TADA2A: variants seen among roughly 807,000 people sequenced by gnomAD.
The protein encoded by TADA2A is transcriptional adapter 2-alpha.
A neutral mutation model predicts 67.4 loss-of-function variants in TADA2A; 38 were observed. That is an observed-to-expected ratio of 0.56 (90% CI 0.44 to 0.74). TADA2A has a LOEUF of 0.74. TADA2A is among the 30% of genes least tolerant of loss of function. The pLI, the probability that TADA2A is intolerant of heterozygous loss-of-function variation, is 0.00. For missense variants in TADA2A, 454 were observed against 547.0 expected, an observed-to-expected ratio of 0.83 and a Z score of 1.70; for synonymous variants, 192 against 181.6, an observed-to-expected ratio of 1.06 and a Z score of -0.46.
chr17:37,436,134 C>T (rs976333429), intron 4 of TADA2A, among the ~76,000 whole-genome samples: 3 of 152,130 alleles, frequency 2.0e-5, no homozygotes, highest in Non-Finnish European at 2.9e-5. Flanking sequence ...TGCTTTACCT[C>T]ATAACATATA....
At chr17:37,446,221 C>T (rs2053077134) in intron 8 of TADA2A, among the ~76,000 whole-genome samples, 1 of 151,534 alleles carries the variant, frequency 6.6e-6, no homozygotes, top group Non-Finnish European at 1.5e-5. Context: ...ACTACTTTAG[C>T]ATTAACTAAA....
chr17:37,474,374 G>C (rs2053851583), intron 14 of TADA2A, among the ~76,000 whole-genome samples, 182 bp from the exon 15 acceptor site: 1 of 152,234 alleles, frequency 6.6e-6, no homozygotes, highest in Non-Finnish European at 1.5e-5. Flanking sequence ...TCATTTTCAA[G>C]TGAATGTTCG....
At chr17:37,413,211 G>A (rs991573029) in intron 2 of TADA2A, among the ~76,000 whole-genome samples, 5 of 152,146 alleles carry the variant, frequency 3.3e-5, no homozygotes, top group Admixed American at 6.5e-5. Context: ...ACAAGCGTGA[G>A]CCACCGCTCC....
chr17:37,478,409 C>T lies in TADA2A; in HGVS notation c.*1427C>T, dbSNP rs2053931320. On this transcript the variant is annotated 3_prime_UTR_variant, in exon 16 of 16. Coordinates refer to ENST00000615182, the MANE Select transcript of TADA2A (RefSeq NM_001166105.3). ...CTGGGTTTCCCAGGATACCAAGCCCCTGAGGATGGAGATGATGCAACAAAC... is the reference window on the plus strand; with the variant it reads ...CTGGGTTTCCCAGGATACCAAGCCCTTGAGGATGGAGATGATGCAACAAAC... 1 of 152,150 alleles carries T rather than the reference C, an allele frequency of 6.6e-6. No individual in the cohort carries two copies. Among genetic ancestry groups the T allele is most frequent in the Non-Finnish European group, 1.5e-5 (1 of 68,030 alleles). The allele number at this position is 152,150 out of a possible 1,614,324, so 9.4% of individuals were successfully genotyped here.
chr17:37,424,963 G>T (rs1261036054), intron 3 of TADA2A, among the ~76,000 whole-genome samples: 1 of 152,150 alleles, frequency 6.6e-6, no homozygotes, highest in East Asian at 1.9e-4. Context: ...TCGGGTTCAA[G>T]GGATTCTCCT....
chr17:37,442,504 G>T, intron 6 of TADA2A, 60 bp from the exon 7 acceptor site: 2 of 1,276,234 alleles, frequency 1.6e-6, no homozygotes, highest in Non-Finnish European at 2.2e-6. Context: ...GGACTATTAT[G>T]TCATTTTTTT....
At chr17:37,410,213 C>T (rs2051818762) in intron 1 of TADA2A, among the ~76,000 whole-genome samples, 1 of 151,984 alleles carries the variant, frequency 6.6e-6, no homozygotes, top group Non-Finnish European at 1.5e-5. Context: ...GAAAAAGAGA[C>T]TTAGTCTGTC....
intron 9 of TADA2A, 138 bp from the exon 10 acceptor site, chr17:37,461,940 T>C (rs1032458364): frequency 1.5e-6 from 1 of 650,340 alleles, no homozygotes; most frequent in Non-Finnish European, 2.7e-6. Context: ...CTGCAGAAAT[T>C]TGTGGGAGTG....
At chr17:37,423,938 C>T (rs1442777162) in intron 3 of TADA2A, among the ~76,000 whole-genome samples, 3 of 151,654 alleles carry the variant, frequency 2.0e-5, no homozygotes, top group South Asian at 2.1e-4. Context: ...TTAGTAGAGA[C>T]GGGGTTTCAC....
intron 12 of TADA2A, among the ~76,000 whole-genome samples, chr17:37,468,054 C>T (rs1011748294): frequency 1.3e-5 from 2 of 151,652 alleles, no homozygotes; most frequent in East Asian, 1.9e-4. Flanking sequence ...TGTACTCCAG[C>T]CTGGGTGGCA....
chr17:37,408,008 T>G (rs1297611502), intron 1 of TADA2A: 1 of 152,958 alleles, frequency 6.5e-6, no homozygotes, highest in African/African-American at 2.4e-5. Flanking sequence ...TGCCTCAGCC[T>G]CCCGAGTACC....
chr17:37,436,882 A>C (rs1415051078), intron 4 of TADA2A, among the ~76,000 whole-genome samples: 1 of 151,118 alleles, frequency 6.6e-6, no homozygotes, highest in African/African-American at 2.4e-5. Context: ...TGAAATATTT[A>C]TCTCTACCTC....
intron 5 of TADA2A, among the ~76,000 whole-genome samples, chr17:37,439,950 T>TTA (rs1568155361): frequency 1.4e-5 from 2 of 138,262 alleles, no homozygotes; most frequent in East Asian, 4.2e-4. Context: ...TTATTATTTT[T>TTA]TTTTTTTTTT....
intron 2 of TADA2A, among the ~76,000 whole-genome samples, chr17:37,412,899 A>C (rs1441159010): frequency 6.6e-6 from 1 of 152,104 alleles, no homozygotes; most frequent in African/African-American, 2.4e-5. Context: ...GAATCAGAAA[A>C]GTACTTTTTG....
At chr17:37,474,700 C>T in intron 15 of TADA2A, 71 bp downstream of exon 15, 1 of 1,486,134 alleles carries the variant, frequency 6.7e-7, no homozygotes, top group East Asian at 2.4e-5. Context: ...ATTAAAAATC[C>T]ATTACAGGGT....
At chr17:37,451,049 C>CA (rs1206169207) in intron 8 of TADA2A, among the ~76,000 whole-genome samples, 1 of 151,510 alleles carries the variant, frequency 6.6e-6, no homozygotes, top group Admixed American at 6.6e-5. Flanking sequence ...TTAAAAGAAA[C>CA]AGAGTCTCAT....
At chr17:37,428,090 A>T (rs1356265247) in intron 4 of TADA2A, among the ~76,000 whole-genome samples, 1 of 152,224 alleles carries the variant, frequency 6.6e-6, no homozygotes, top group Non-Finnish European at 1.5e-5. Flanking sequence ...TTGTTCTTAC[A>T]GGAAAGGATC....
Position 37,465,702 on chromosome 17 carries a change from G to A in TADA2A, c.823+161G>A, listed in dbSNP as rs2053650930. On this transcript the variant is annotated intron_variant, in intron 11 of 15. Transcript: ENST00000615182. ...GAGACAAATTTGGGACTATGGGGGT[G>A]GCAGAAGAGAGGTTAAAAAGCCCTA... The A allele has an allele frequency of 3.7e-6, 5 of 1,339,406 alleles. No individual in the cohort carries two copies. In the African/African-American group the frequency reaches 5.9e-5, roughly 16 times the overall value. The allele number at this position is 1,339,406 out of a possible 1,614,324, so 83.0% of individuals were successfully genotyped here. A position where few individuals can be genotyped will look rare whatever the true frequency, so the allele number is the denominator to read the frequency against.
In TADA2A at chr17:37,440,562, T is replaced by C. The variant is rs576548532; in HGVS notation, c.342T>C (p.Tyr114=). The part of the protein sequence containing the change: ...TKTKEECEKH[Y]MKHFINNPLF... The stretch of plus-strand genomic sequence containing the variant: ...CCAAGGAGGAGTGTGAGAAGCACTA[T>C]ATGAAGCATTTCATCAATAACCCTC... Residue 114 remains tyrosine (Y), a synonymous_variant, in exon 6 of 16, where the codon TAT becomes TAC. Transcript: ENST00000615182. The C allele has an allele frequency of 3.3e-5, 53 of 1,614,160 alleles. No individual in the cohort carries two copies. The Middle Eastern group carries it at 4.9e-4, about 15-fold the overall frequency.
Sources: allele counts gnomAD v4.1 joint callset (sites outside exome capture counted in the v4.1 genomes callset), GRCh38; gene constraint gnomAD v4.1.1; transcripts MANE v1.5; gene names NCBI Gene and HGNC (gene_info 2026-07-23, HGNC 2026-07-21).